RBFOX1: variants seen among roughly 807,000 people sequenced by gnomAD.
RBFOX1 encodes RNA binding fox-1 homolog 1, also known as RNA binding protein fox-1 homolog 1.
RBFOX1 carries 8 observed loss-of-function variants against 57.7 expected under a neutral mutation model. The ratio of observed to expected loss-of-function variants is 0.14; its 90% confidence interval spans 0.08 to 0.25. The LOEUF is 0.25. Ranked by LOEUF, RBFOX1 falls within the 10% of genes least tolerant of loss-of-function variation. The probability of loss-of-function intolerance (pLI) is 1.00; values close to 1 mark genes in which losing one functional copy is unlikely to be tolerated. For synonymous variants in RBFOX1, 326 were observed against 222.4 expected (o/e 1.47, Z -4.15); for missense variants, 611 against 548.5 (o/e 1.11, Z -1.14).
At chr16:7,403,876 C>G (rs1365065942) in intron 4 of RBFOX1, among the ~76,000 whole-genome samples, 1 of 150,926 alleles carries the variant, frequency 6.6e-6, no homozygotes, top group Admixed American at 6.6e-5. Context: ...GAATAATATT[C>G]TAGTACGTAC....
At chr16:6,184,230 C>G (rs2097090136) in intron 1 of RBFOX1, among the ~76,000 whole-genome samples, 1 of 152,146 alleles carries the variant, frequency 6.6e-6, no homozygotes, top group Non-Finnish European at 1.5e-5. Context: ...AACTACAGTT[C>G]AAGATGAGAT....
chr16:6,376,302 G>GGTTGTT (rs59682771), intron 2 of RBFOX1, among the ~76,000 whole-genome samples: 18 of 151,088 alleles, frequency 1.2e-4, no homozygotes, highest in Non-Finnish European at 8.9e-5. Flanking sequence ...TTTGTTGGTT[G>GGTTGTT]GTTGTTGTTG....
intron 3 of RBFOX1, among the ~76,000 whole-genome samples, chr16:6,965,563 C>T (rs1256317972): frequency 2.0e-5 from 3 of 152,090 alleles, no homozygotes; most frequent in Non-Finnish European, 4.4e-5. Flanking sequence ...TGTCAAACTC[C>T]GGACCTCAAG....
rs145614814 is a variant in RBFOX1, at chr16:6,678,420, G to A, written c.-16+23770G>A. Among the ~76,000 whole-genome samples the A allele has an allele frequency of 4.6e-4, 70 of 151,908 alleles. 1 individual carries two copies. In the East Asian group the frequency reaches 4.8e-3, roughly 10 times the overall value. Reference sequence around the variant, plus strand: ...ATTACAGGCATGAGCCGCTGCACCTGGCCAAAAGTTATTTATGATATATAA... The same window carrying A: ...ATTACAGGCATGAGCCGCTGCACCTAGCCAAAAGTTATTTATGATATATAA... On this transcript the variant is annotated intron_variant, in intron 3 of 15. Coordinates refer to ENST00000550418, the MANE Select transcript of RBFOX1 (RefSeq NM_018723.4).
intron 3 of RBFOX1, among the ~76,000 whole-genome samples, chr16:6,789,126 G>A (rs1272773440): frequency 2.6e-5 from 4 of 151,388 alleles, no homozygotes; most frequent in Non-Finnish European, 5.9e-5. Context: ...TAGGATTTTA[G>A]TGAAAAATTA....
intron 2 of RBFOX1, among the ~76,000 whole-genome samples, chr16:6,576,709 C>G (rs1015516819): frequency 3.1e-4 from 47 of 152,030 alleles, no homozygotes; most frequent in Middle Eastern, 3.2e-3. Flanking sequence ...ATTTTATTTA[C>G]TAAAACAAAA....
intron 7 of RBFOX1, among the ~76,000 whole-genome samples, chr16:7,591,620 C>T (rs1002730844): frequency 6.6e-6 from 1 of 152,120 alleles, no homozygotes; most frequent in Non-Finnish European, 1.5e-5. Flanking sequence ...CACAGGCCAC[C>T]AATCTCTTTT....
chr16:5,855,404 G>A (rs1387670931), intron 3 of RBFOX1, among the ~76,000 whole-genome samples: 1 of 152,150 alleles, frequency 6.6e-6, no homozygotes, highest in African/African-American at 2.4e-5. Flanking sequence ...ATTGTATATA[G>A]TGTGAAATAA....
chr16:5,854,700 G>T (rs2056981218), intron 3 of RBFOX1, among the ~76,000 whole-genome samples: 3 of 152,084 alleles, frequency 2.0e-5, no homozygotes, highest in Admixed American at 6.6e-5. Flanking sequence ...CGAACATGGG[G>T]GTGCACATAT....
rs1417146362 is a variant in RBFOX1, at chr16:7,241,743, A to AT, written c.27+189645_27+189646insT. Among the ~76,000 whole-genome samples the AT allele has an allele frequency of 1.9e-4, 29 of 152,112 alleles. 1 individual carries two copies. Among genetic ancestry groups the AT allele is most frequent in the African/African-American group, 6.3e-4 (26 of 41,416 alleles). On this transcript the variant is annotated intron_variant, in intron 4 of 15. Coordinates refer to ENST00000550418, the MANE Select transcript of RBFOX1 (RefSeq NM_018723.4). ...TATATATGCATATACACAAACACAC[A>AT]CACATGCCCATTTTCTCATCCCCCC...
intron 3 of RBFOX1, among the ~76,000 whole-genome samples, chr16:5,792,372 C>T (rs1329457915): frequency 6.6e-6 from 1 of 152,156 alleles, no homozygotes; most frequent in African/African-American, 2.4e-5. Flanking sequence ...GCACCTTAGC[C>T]CAGTTGAAAA....
chr16:5,285,990 T>G (rs2063384986), intron 1 of RBFOX1, among the ~76,000 whole-genome samples: 3 of 152,168 alleles, frequency 2.0e-5, no homozygotes, highest in Admixed American at 1.3e-4. Flanking sequence ...CGGGCTGGTC[T>G]CGAACTCCTC....
At chr16:5,792,340 C>G (rs781326901) in intron 3 of RBFOX1, among the ~76,000 whole-genome samples, 2 of 152,148 alleles carry the variant, frequency 1.3e-5, no homozygotes, top group African/African-American at 4.8e-5. Flanking sequence ...CAGTTGACTC[C>G]TGCACAACAT....
intron 10 of RBFOX1, among the ~76,000 whole-genome samples, chr16:7,608,649 C>T (rs2056824567): frequency 6.6e-6 from 1 of 152,224 alleles, no homozygotes. Context: ...CTCCCCTACT[C>T]ACCAGCAGTG....
rs542809085 is a variant in RBFOX1, at chr16:6,089,428, G to A, written c.-127+69436G>A. Among the ~76,000 whole-genome samples the A allele has an allele frequency of 5.3e-5, 8 of 152,218 alleles. No individual in the cohort carries two copies. In the East Asian group the frequency reaches 9.6e-4, roughly 18 times the overall value. On this transcript the variant is annotated intron_variant, in intron 1 of 15. Coordinates refer to ENST00000550418, the MANE Select transcript of RBFOX1 (RefSeq NM_018723.4). The stretch of plus-strand genomic sequence containing the variant: ...AAATATCCCATCATTTAGGATGGTC[G>A]GCATATACACAGAGGGCCTATAAGG...
At chr16:5,577,541 G>C (rs894474969) in intron 2 of RBFOX1, among the ~76,000 whole-genome samples, 9 of 152,160 alleles carry the variant, frequency 5.9e-5, no homozygotes, top group African/African-American at 2.2e-4. Context: ...GTAGTCCCCA[G>C]CACGGGGCCT....
intron 2 of RBFOX1, among the ~76,000 whole-genome samples, chr16:6,499,263 A>G (rs2095853216): frequency 1.3e-5 from 2 of 152,142 alleles, no homozygotes; most frequent in Non-Finnish European, 2.9e-5. Context: ...TTTGAAAGCT[A>G]CACTGGAATT....
At chr16:7,465,530 C>T (rs907105196) in intron 4 of RBFOX1, among the ~76,000 whole-genome samples, 3 of 152,220 alleles carry the variant, frequency 2.0e-5, no homozygotes, top group African/African-American at 7.2e-5. Flanking sequence ...CCATGGAAAG[C>T]ACTGCCTGCC....
rs373558869 is a variant in RBFOX1 at position 5,813,155 on chromosome 16, A to G, written c.319-54148A>G. Reference sequence around the variant, plus strand: ...CCCGAGTAGCTGGAATTACAGGCGCATGCCACCGCACCTGGCTGATTTTTG... The same window carrying G: ...CCCGAGTAGCTGGAATTACAGGCGCGTGCCACCGCACCTGGCTGATTTTTG... On this transcript the variant is annotated intron_variant, in intron 3 of 19. Transcript: ENST00000641259. Among the ~76,000 whole-genome samples, 291 of 152,082 alleles carry G rather than the reference A, an allele frequency of 1.9e-3. 3 individuals carry two copies. The highest frequency in any genetic ancestry group is 0.013 in the East Asian group (68 of 5,174).
Sources: allele counts gnomAD v4.1 joint callset (sites outside exome capture counted in the v4.1 genomes callset), GRCh38; gene constraint gnomAD v4.1.1; transcripts MANE v1.5; gene names NCBI Gene and HGNC (gene_info 2026-07-23, HGNC 2026-07-21).